AGAP1: variants seen among roughly 807,000 people sequenced by gnomAD.
AGAP1 encodes arf-GAP with GTPase, ANK repeat and PH domain-containing protein 1.
A neutral mutation model predicts 105.3 loss-of-function variants in AGAP1; 29 were observed. The observed-to-expected ratio is 0.28, with a 90% CI of 0.21 to 0.38. The LOEUF (loss-of-function observed/expected upper bound fraction) is 0.38, where lower values mean the gene tolerates loss of function less well. AGAP1 is among the 10% of genes least tolerant of loss of function. The pLI is 1.00. For synonymous variants in AGAP1, 509 were observed against 485.9 expected (o/e 1.05, Z -0.63); for missense variants, 998 against 1,165.1 (o/e 0.86, Z 2.09).
At position 235,577,748 on chromosome 2, in the gene AGAP1, A is replaced by G. The variant is rs1176300163; in HGVS notation, c.163+82899A>G. Among the ~76,000 whole-genome samples the G allele has an allele frequency of 6.6e-6, 1 of 152,092 alleles. No individual in the cohort carries two copies. On this transcript the variant is annotated intron_variant, in intron 1 of 17. Coordinates refer to ENST00000304032, the MANE Select transcript of AGAP1 (RefSeq NM_001037131.3). The surrounding 1 kb of genome is among the most constrained non-coding windows in gnomAD (Gnocchi z 4.5). ...CCAGTAAACAAAAAGTGCATTCAAC[A>G]CAGGCTTGTCTGCTGGCCTCCCCCG...
chr2:235,959,589 A>T lies in AGAP1; in HGVS notation c.1484-8873A>T, dbSNP rs1183431080. 1.3e-5 allele frequency among the ~76,000 whole-genome samples: 2 copies of T among 151,618 alleles called. No homozygotes were observed. Among genetic ancestry groups the T allele is most frequent in the Non-Finnish European group, 2.9e-5 (2 of 67,902 alleles). On this transcript the variant is annotated intron_variant, in intron 12 of 17. Transcript: ENST00000304032. This position sits in a 1 kb window ranked among gnomAD's most constrained non-coding sequence, Gnocchi z 7.3. ...GGTGGGTCCTCTCTGGTCGCTCCTC[A>T]CTGGTCTTGAGTCCCAGGTGACACT...
intron 1 of AGAP1, among the ~76,000 whole-genome samples, chr2:235,539,588 G>A (rs749202274): frequency 6.6e-6 from 1 of 152,180 alleles, no homozygotes; most frequent in Non-Finnish European, 1.5e-5. Flanking sequence ...TCTAGGGTGG[G>A]AGGAAGGAGA....
chr2:235,895,540 G>A (rs138351375), intron 10 of AGAP1, among the ~76,000 whole-genome samples: 2 of 152,224 alleles, frequency 1.3e-5, no homozygotes, highest in Admixed American at 6.5e-5. Context: ...TTCCTCTTGG[G>A]AGTTTCCCCA....
intron 16 of AGAP1, among the ~76,000 whole-genome samples, chr2:236,060,797 C>T (rs189346964): frequency 5.7e-4 from 87 of 152,352 alleles, no homozygotes; most frequent in Middle Eastern, 6.8e-3. Context: ...CATGGAGGCT[C>T]ATGCCCGTAA....
rs1030610378 is a variant in AGAP1, at chr2:236,113,520, C to T, written c.2115-6672C>T. 1.3e-5 allele frequency among the ~76,000 whole-genome samples: 2 copies of T among 152,184 alleles called. 1 individual carries two copies. Among genetic ancestry groups the T allele is most frequent in the South Asian group, 4.1e-4 (2 of 4,828 alleles). On this transcript the variant is annotated intron_variant, in intron 16 of 17. Transcript: ENST00000304032. This position sits in a 1 kb window ranked among gnomAD's most constrained non-coding sequence, Gnocchi z 4.3. Reference sequence around the variant, plus strand: ...AAAGTCAGTTACTGTCATCCTTAAGCCCACACTAAGTGCTCCGGTTACATG... The same window carrying T: ...AAAGTCAGTTACTGTCATCCTTAAGTCCACACTAAGTGCTCCGGTTACATG...
chr2:235,802,230 C>T (rs570790081), intron 8 of AGAP1, among the ~76,000 whole-genome samples: 18 of 152,272 alleles, frequency 1.2e-4, no homozygotes, highest in Admixed American at 5.9e-4. Context: ...CCTGTTGCTG[C>T]GGATTCACCC....
At position 235,958,344 on chromosome 2, in the gene AGAP1, G is replaced by A. The variant is rs76570706; in HGVS notation, c.1484-10118G>A. 3.3e-3 allele frequency among the ~76,000 whole-genome samples: 496 copies of A among 152,196 alleles called. No homozygotes were observed. The highest frequency in any genetic ancestry group is 0.011 in the African/African-American group (468 of 41,514). ...GGGAGAGGATTAGGGCCCTGCTAAC[G>A]GCAGCAGTAACAGCGGGAGTCCTTG... On this transcript the variant is annotated intron_variant, in intron 12 of 17. Transcript: ENST00000304032. The surrounding 1 kb of genome is among the most constrained non-coding windows in gnomAD (Gnocchi z 4.1).
At chr2:235,860,374 C>G (rs567136101) in intron 9 of AGAP1, among the ~76,000 whole-genome samples, 1 of 150,966 alleles carries the variant, frequency 6.6e-6, no homozygotes, top group Admixed American at 6.6e-5. Context: ...TTTTTTGCCT[C>G]AAGGAGATGG....
In AGAP1 at chr2:236,012,828, G is replaced by C. The variant is rs1004434847; in HGVS notation, c.1646-23733G>C. Among the ~76,000 whole-genome samples the C allele has an allele frequency of 5.3e-5, 8 of 151,900 alleles. No individual in the cohort carries two copies. Among genetic ancestry groups the C allele is most frequent in the Non-Finnish European group, 1.2e-4 (8 of 68,004 alleles). Reference sequence around the variant, plus strand: ...GAATCTCTCACTGTCGCCCAGGCTGGAGTGCAGTGGTACGATCTCAGCTCA... The same window carrying C: ...GAATCTCTCACTGTCGCCCAGGCTGCAGTGCAGTGGTACGATCTCAGCTCA... On this transcript the variant is annotated intron_variant, in intron 13 of 17. Transcript: ENST00000304032. The surrounding 1 kb of genome is among the most constrained non-coding windows in gnomAD (Gnocchi z 4.9).
In AGAP1 at chr2:236,003,168, C is replaced by G. The variant is rs1305653818; in HGVS notation, c.1646-33393C>G. ...CAAGCAGTTCTTGTGCCTCAACCCC[C>G]CAAGTAGCTGGGACTACAGGCACAT... On this transcript the variant is annotated intron_variant, in intron 13 of 17. Transcript: ENST00000304032. The surrounding 1 kb of genome is among the most constrained non-coding windows in gnomAD (Gnocchi z 4.2). Among the ~76,000 whole-genome samples the G allele has an allele frequency of 8.5e-5, 13 of 152,338 alleles. No homozygotes were observed.
rs775715312 is a variant in AGAP1 at position 235,599,975 on chromosome 2, G to A, written c.163+105126G>A. Among the ~76,000 whole-genome samples, 2 of 152,284 alleles carry A rather than the reference G, an allele frequency of 1.3e-5. No homozygotes were observed. The highest frequency in any genetic ancestry group is 2.4e-5 in the African/African-American group (1 of 41,558). ...GTTCCACTGTGATTTGAAAACAGGC[G>A]ATTCTTCCAGACAACTTTAAAGATG... On this transcript the variant is annotated intron_variant, in intron 1 of 17. Transcript: ENST00000304032. The surrounding 1 kb of genome is among the most constrained non-coding windows in gnomAD (Gnocchi z 5.3).
At position 235,883,526 on chromosome 2, in the gene AGAP1, AG is replaced by A. The variant is rs2050131559; in HGVS notation, c.1155+78del. 1.6e-5 allele frequency: 19 copies of A among 1,185,056 alleles called. No homozygotes were observed. The highest frequency in any genetic ancestry group is 2.1e-5 in the Non-Finnish European group (17 of 811,532). 73.4% of individuals were successfully genotyped at this position (1,185,056 alleles called of 1,614,324 possible). On this transcript the variant is annotated intron_variant, in intron 10 of 17. Coordinates refer to ENST00000304032, the MANE Select transcript of AGAP1 (RefSeq NM_001037131.3). The surrounding 1 kb of genome is among the most constrained non-coding windows in gnomAD (Gnocchi z 4.5). Reference sequence around the variant, plus strand: ...CTGTGGGGAAGGGGAACCTACCAGCAGCCCAGCCTCTTGTCTCTGTTTGAAG... The same window carrying A: ...CTGTGGGGAAGGGGAACCTACCAGCACCCAGCCTCTTGTCTCTGTTTGAAG...
rs149501152 is a variant in AGAP1 at position 236,081,482 on chromosome 2, G to C, written c.2114+32201G>C. On this transcript the variant is annotated intron_variant, in intron 16 of 17. Transcript: ENST00000304032. ...ACCCGACTGAGAGTCTGTGTATCAA[G>C]ATAGGGGTAAATCCTTTCTGACCAC... Among the ~76,000 whole-genome samples the C allele has an allele frequency of 2.2e-3, 342 of 152,272 alleles. 5 individuals carry two copies. The highest frequency in any genetic ancestry group is 0.019 in the East Asian group (97 of 5,174).
Position 235,882,295 on chromosome 2 carries a change from G to A in AGAP1, c.1051-1050G>A. 1.6e-6 allele frequency: 1 copy of A among 636,754 alleles called. No individual in the cohort carries two copies. Among genetic ancestry groups the A allele is most frequent in the Non-Finnish European group, 2.7e-6 (1 of 372,488 alleles). The allele number at this position is 636,754 out of a possible 1,614,324, so 39.4% of individuals were successfully genotyped here. Reference sequence around the variant, plus strand: ...GCTTGTGGCTCGTGTCCATCTTGCAGGTCGCTCTTCCTCCACATCACAACT... The same window carrying A: ...GCTTGTGGCTCGTGTCCATCTTGCAAGTCGCTCTTCCTCCACATCACAACT... On this transcript the variant is annotated intron_variant, in intron 9 of 17. Transcript: ENST00000304032. This position sits in a 1 kb window ranked among gnomAD's most constrained non-coding sequence, Gnocchi z 4.6.
intron 9 of AGAP1, among the ~76,000 whole-genome samples, chr2:235,871,332 G>A (rs1037596768): frequency 6.6e-6 from 1 of 152,218 alleles, no homozygotes; most frequent in African/African-American, 2.4e-5. Context: ...AGAGCCAGGA[G>A]CACTTCCAGC....
chr2:235,977,654 C>T lies in AGAP1; in HGVS notation c.1645+9031C>T, dbSNP rs780063377. Among the ~76,000 whole-genome samples, 12 of 152,102 alleles carry T rather than the reference C, an allele frequency of 7.9e-5. No homozygotes were observed. The highest frequency in any genetic ancestry group is 3.3e-4 in the Admixed American group (5 of 15,270). On this transcript the variant is annotated intron_variant, in intron 13 of 17. Coordinates refer to ENST00000304032, the MANE Select transcript of AGAP1 (RefSeq NM_001037131.3). This position sits in a 1 kb window ranked among gnomAD's most constrained non-coding sequence, Gnocchi z 5.2. Reference sequence around the variant, plus strand: ...TATTTTCAGATGTTCTAGCTGAGCTCGCTTTGTCTTTCCTCCCAGGCCTGG... The same window carrying T: ...TATTTTCAGATGTTCTAGCTGAGCTTGCTTTGTCTTTCCTCCCAGGCCTGG...
Position 235,860,827 on chromosome 2 carries a change from A to G in AGAP1, c.1051-22518A>G, listed in dbSNP as rs550799607. 2.0e-4 allele frequency among the ~76,000 whole-genome samples: 31 copies of G among 152,386 alleles called. No individual in the cohort carries two copies. The South Asian group carries it at 5.6e-3, about 27-fold the overall frequency. On this transcript the variant is annotated intron_variant, in intron 9 of 17. Coordinates refer to ENST00000304032, the MANE Select transcript of AGAP1 (RefSeq NM_001037131.3). ...GATGGTTCAATTAGCATGTATAAAA[A>G]TAAATATTTACCAAGACTGCATTAT...
intron 16 of AGAP1, among the ~76,000 whole-genome samples, chr2:236,074,490 G>T (rs943142342): frequency 6.6e-6 from 1 of 152,114 alleles, no homozygotes; most frequent in African/African-American, 2.4e-5. Context: ...CTTAAGCTCA[G>T]CAATTTCAAG....
chr2:235,560,278 T>G (rs1225259026), intron 1 of AGAP1, among the ~76,000 whole-genome samples: 1 of 152,168 alleles, frequency 6.6e-6, no homozygotes, highest in East Asian at 1.9e-4. Context: ...ATCAGCATGC[T>G]TAGATCATTT....
Sources: allele counts gnomAD v4.1 joint callset (sites outside exome capture counted in the v4.1 genomes callset), GRCh38; gene constraint gnomAD v4.1.1; non-coding constraint Gnocchi (gnomAD v3.1); transcripts MANE v1.5; gene names NCBI Gene and HGNC (gene_info 2026-07-23, HGNC 2026-07-21).